TTC6: variants seen among roughly 807,000 people sequenced by gnomAD.
TTC6 encodes tetratricopeptide repeat domain 6.
A neutral mutation model predicts 210.4 loss-of-function variants in TTC6; 172 were observed. The observed-to-expected ratio is 0.82, with a 90% CI of 0.72 to 0.93. The LOEUF (loss-of-function observed/expected upper bound fraction) is 0.93, where lower values mean the gene tolerates loss of function less well. TTC6 is among the 40% of genes least tolerant of loss of function. The probability of loss-of-function intolerance (pLI) is 0.00; values close to 1 mark genes in which losing one functional copy is unlikely to be tolerated. For missense variants in TTC6, 2,414 were observed against 2,318.1 expected (o/e 1.04, Z -0.85); for synonymous variants, 804 against 819.6 (o/e 0.98, Z 0.32).
chr14:37,761,210 C>G (rs2095983439), intron 14 of TTC6, among the ~76,000 whole-genome samples: 1 of 151,988 alleles, frequency 6.6e-6, no homozygotes. Flanking sequence ...AGTATCTAGG[C>G]TGGGTAGCAT....
intron 1 of TTC6, among the ~76,000 whole-genome samples, chr14:37,678,341 T>G (rs1029935875): frequency 2.0e-5 from 3 of 152,170 alleles, no homozygotes; most frequent in Non-Finnish European, 4.4e-5. Flanking sequence ...AATCCCAACC[T>G]TGTGTGAGCT....
chr14:37,738,699 A>G (rs2095908754), intron 9 of TTC6, 77 bp from the exon 12 acceptor site: 1 of 1,182,906 alleles, frequency 8.5e-7, no homozygotes, highest in African/African-American at 1.6e-5. Context: ...AGTAATTGTA[A>G]CAGAATTAAT....
At chr14:37,753,848 A>G (rs2095959773) in intron 14 of TTC6, among the ~76,000 whole-genome samples, 1 of 151,076 alleles carries the variant, frequency 6.6e-6, no homozygotes, top group South Asian at 2.1e-4. Context: ...TGTATATTAA[A>G]CTTCGTGCAT....
At chr14:37,649,423 C>G (rs750677632) in intron 1 of TTC6, among the ~76,000 whole-genome samples, 9 of 152,162 alleles carry the variant, frequency 5.9e-5, no homozygotes, top group African/African-American at 1.7e-4. Flanking sequence ...AGGGACCCCA[C>G]AACATTTATG....
chr14:37,824,582 T>C (rs558612708), intron 27 of TTC6, among the ~76,000 whole-genome samples: 2 of 152,296 alleles, frequency 1.3e-5, no homozygotes, highest in Admixed American at 1.3e-4. Context: ...TACTTCCTTC[T>C]TCTTGCAGAG....
intron 3 of TTC6, among the ~76,000 whole-genome samples, chr14:37,684,771 GT>G (rs771628791): frequency 6.6e-6 from 1 of 152,190 alleles, no homozygotes; most frequent in Non-Finnish European, 1.5e-5. Flanking sequence ...CATAAAGTTA[GT>G]TTCTAGCATT....
rs877126 is a variant in TTC6 at position 37,739,114 on chromosome 14, C to T, written c.2322C>T (p.Phe774=). Reference sequence around the variant, plus strand: ...GATTGAAACAACAAAAACTTATATTCGTGCATGAAGAGTTATCCAAGCCTC... The same window carrying T: ...GATTGAAACAACAAAAACTTATATTTGTGCATGAAGAGTTATCCAAGCCTC... The change falls in exon 10 of 31, where the codon TTC becomes TTT. Residue 774 remains phenylalanine (F), a synonymous_variant. Coordinates refer to ENST00000553443, the Ensembl canonical transcript of TTC6. 2,940 of 1,526,492 alleles carry T rather than the reference C, an allele frequency of 1.9e-3. 10 individuals are homozygous for T. Among genetic ancestry groups the T allele is most frequent in the Middle Eastern group, 4.7e-3 (25 of 5,322 alleles). 94.6% of individuals were successfully genotyped at this position (1,526,492 alleles called of 1,614,324 possible).
At chr14:37,694,504 C>T (rs117415761) in intron 3 of TTC6, among the ~76,000 whole-genome samples, 9 of 152,114 alleles carry the variant, frequency 5.9e-5, no homozygotes, top group South Asian at 2.1e-4. Flanking sequence ...ACCACTATGG[C>T]GAACAGGTTG....
At chr14:37,828,262 T>C (rs1268043716) in intron 29 of TTC6, among the ~76,000 whole-genome samples, 1 of 152,150 alleles carries the variant, frequency 6.6e-6, no homozygotes, top group African/African-American at 2.4e-5. Context: ...ATTCAAACTC[T>C]TAATTTTTAA....
chr14:37,806,526 T>G lies in TTC6; in HGVS notation c.4314+16T>G, dbSNP rs1413049606. 6 of 1,503,172 alleles carry G rather than the reference T, an allele frequency of 4.0e-6. No individual in the cohort carries two copies. The African/African-American group carries it at 4.1e-5, about 10-fold the overall frequency. The allele number at this position is 1,503,172 out of a possible 1,614,324, so 93.1% of individuals were successfully genotyped here. A position where few individuals can be genotyped will look rare whatever the true frequency, so the allele number is the denominator to read the frequency against. On this transcript the variant is annotated intron_variant, in intron 22 of 30. Coordinates refer to ENST00000553443, the Ensembl canonical transcript of TTC6. ...ACATTACCAGGTATTTAAACAGATGTTTTTAGTGAGTTGGAAAGTGTTAAG... is the reference window on the plus strand; with the variant it reads ...ACATTACCAGGTATTTAAACAGATGGTTTTAGTGAGTTGGAAAGTGTTAAG...
chr14:37,706,701 T>A (rs1237872570), intron 5 of TTC6, among the ~76,000 whole-genome samples: 1 of 152,168 alleles, frequency 6.6e-6, no homozygotes, highest in Non-Finnish European at 1.5e-5. Context: ...TTTTTCTGCG[T>A]GTGTGGGAGA....
chr14:37,719,441 C>CT, intron 6 of TTC6, among the ~76,000 whole-genome samples: 1 of 151,660 alleles, frequency 6.6e-6, no homozygotes, highest in African/African-American at 2.4e-5. Flanking sequence ...ATCAGTTTAG[C>CT]TGACTTCCTG....
chr14:37,668,018 C>A (rs1177096482), intron 1 of TTC6, among the ~76,000 whole-genome samples: 1 of 149,960 alleles, frequency 6.7e-6, no homozygotes, highest in Non-Finnish European at 1.5e-5. Context: ...ACCTGTAGTC[C>A]CAGCTACTTG....
exon 14 of TTC6, chr14:37,753,146 G>A: frequency 6.5e-7 from 1 of 1,534,988 alleles, no homozygotes; most frequent in East Asian, 2.4e-5. Flanking sequence ...TGAAACGTGG[G>A]CTGTTTTATT....
intron 1 of TTC6, among the ~76,000 whole-genome samples, chr14:37,642,388 G>C (rs1483101067): frequency 6.6e-6 from 1 of 152,116 alleles, no homozygotes; most frequent in Admixed American, 6.5e-5. Flanking sequence ...ATTTGCAATT[G>C]GTTATATGGT....
chr14:37,790,922 A>T, intron 16 of TTC6, 85 bp downstream of exon 18: 2 of 1,168,512 alleles, frequency 1.7e-6, no homozygotes, highest in Non-Finnish European at 2.3e-6. Context: ...CTTTCCCCTC[A>T]TCATTGATAA....
chr14:37,838,145 A>C (rs1412509189), intron 29 of TTC6, among the ~76,000 whole-genome samples: 2 of 152,206 alleles, frequency 1.3e-5, no homozygotes, highest in East Asian at 1.9e-4. Context: ...TAGGTTTTAA[A>C]GTAGGAGCCA....
Position 37,711,979 on chromosome 14 carries a change from G to C in TTC6, c.1572-2676G>C, listed in dbSNP as rs537864809. 2.2e-3 allele frequency among the ~76,000 whole-genome samples: 336 copies of C among 152,166 alleles called. 3 individuals are homozygous for C. Among genetic ancestry groups the C allele is most frequent in the Non-Finnish European group, 4.0e-3 (275 of 68,006 alleles). Reference sequence around the variant, plus strand: ...GTTTTTCAAAGAGAACTCTAGAAAGGGTTCGTTCTTTTCTCTGGACAAAAA... The same window carrying C: ...GTTTTTCAAAGAGAACTCTAGAAAGCGTTCGTTCTTTTCTCTGGACAAAAA... On this transcript the variant is annotated intron_variant, in intron 5 of 30. Transcript: ENST00000553443.
At chr14:37,818,021 A>G (rs888541970) in intron 26 of TTC6, among the ~76,000 whole-genome samples, 1 of 152,208 alleles carries the variant, frequency 6.6e-6, no homozygotes, top group East Asian at 1.9e-4. Context: ...TATTTTGTTC[A>G]TAAAGTGGGA....
Sources: gnomAD v4.1 joint callset for allele counts (sites outside exome capture counted in the v4.1 genomes callset) on GRCh38, gnomAD v4.1.1 for gene constraint, MANE v1.5 for transcripts, NCBI Gene and HGNC (gene_info 2026-07-23, HGNC 2026-07-21) for gene names.